Variants in RIF1 observed in about 807,000 individuals in gnomAD.
The protein encoded by RIF1 is telomere-associated protein RIF1.
RIF1 carries 45 observed loss-of-function variants against 247.1 expected under a neutral mutation model. The ratio of observed to expected loss-of-function variants is 0.18; its 90% CI spans 0.14 to 0.23. The LOEUF (loss-of-function observed/expected upper bound fraction) is 0.23, where lower values mean the gene tolerates loss of function less well. Among genes scored for constraint, RIF1 ranks in the 10% least tolerant of loss-of-function variants. RIF1 has a pLI of 1.00. For synonymous variants in RIF1, 1,087 were observed against 978.8 expected, an observed-to-expected ratio of 1.11 and a Z score of -2.06; for missense variants, 2,967 against 2,862.5, an observed-to-expected ratio of 1.04 and a Z score of -0.83.
chr2:151,484,913 C>T (rs2049449054), downstream of RIF1, among the ~76,000 whole-genome samples: 1 of 152,188 alleles, frequency 6.6e-6, no homozygotes, highest in South Asian at 2.1e-4. Context: ...GCTCTCTTCA[C>T]AAGAGCATTT....
chr2:151,411,377 A>T (rs1447133435), intron 3 of RIF1, 39 bp downstream of exon 3: 4 of 1,290,972 alleles, frequency 3.1e-6, no homozygotes, highest in Non-Finnish European at 4.4e-6. Context: ...CACTTTTGGT[A>T]GTTTGGTTTT....
Position 151,451,677 on chromosome 2 carries a change from TA to T in RIF1, c.2318del (p.Asn773IlefsTer25). ...MVDCIDFSPY[N>X]IKYQPKVKSP... ...TTGATTGCATTGACTTCTCACCATA[TA>T]ATATTAAATATCAGCCCAAAGTTAA... On this transcript the variant is annotated frameshift_variant, in exon 21 of 36. Coordinates refer to ENST00000444746, the MANE Select transcript of RIF1 (RefSeq NM_018151.5). LOFTEE classifies it high-confidence loss of function. The T allele has an allele frequency of 6.9e-7, 1 of 1,443,376 alleles. No homozygotes were observed. Among genetic ancestry groups the T allele is most frequent in the Non-Finnish European group, 9.7e-7 (1 of 1,026,328 alleles). 89.4% of individuals were successfully genotyped at this position (1,443,376 alleles called of 1,614,324 possible).
intron 6 of RIF1, among the ~76,000 whole-genome samples, chr2:151,419,588 T>C (rs1371479764): frequency 6.6e-6 from 1 of 152,150 alleles, no homozygotes; most frequent in Non-Finnish European, 1.5e-5. Flanking sequence ...CCTCCCAAAG[T>C]GCTGAGATTA....
At position 151,416,563 on chromosome 2, in the gene RIF1, G is replaced by C. The variant is rs2152116173; in HGVS notation, c.283G>C (p.Ala95Pro). 6.3e-7 allele frequency: 1 copy of C among 1,589,446 alleles called. No individual in the cohort carries two copies. Among genetic ancestry groups the C allele is most frequent in the South Asian group, 1.2e-5 (1 of 86,562 alleles). Residue 95 changes from alanine to proline, a missense_variant and splice_region_variant, in exon 5 of 36, where the codon GCA becomes CCA. Physicochemically the swap from Ala to Pro is conservative, Grantham distance 27 (BLOSUM62 -1). This residue lies in a region of RIF1 where 269 missense variants were observed against 288.6 expected (regional missense o/e 0.93). Coordinates refer to ENST00000444746, the MANE Select transcript of RIF1 (RefSeq NM_018151.5). ...AATTAAAACTGCTTGTTTTTCAGAG[G>C]CAAATGCTCTAGAATTGCTTTCAAA... is the stretch of plus-strand genomic sequence containing the variant. ...NPKITSELSEANALELLSKLN... is the reference protein window; with the variant it reads ...NPKITSELSEPNALELLSKLN...
intron 10 of RIF1, chr2:151,498,199 TGTAAA>T: frequency 6.5e-7 from 1 of 1,548,800 alleles, no homozygotes; most frequent in Non-Finnish European, 8.7e-7. Flanking sequence ...AATAAATAAA[TGTAAA>T]GATCAGTTTA....
At chr2:151,499,657 A>G (rs1020459799) in intron 11 of RIF1, 3 of 304,814 alleles carry the variant, frequency 9.8e-6, no homozygotes, top group Non-Finnish European at 1.8e-5. Context: ...AAAAAAATAC[A>G]AATAATTTCC....
chr2:151,510,415 C>T (rs910935323), downstream of RIF1, among the ~76,000 whole-genome samples: 1 of 152,234 alleles, frequency 6.6e-6, no homozygotes, highest in South Asian at 2.1e-4. Flanking sequence ...TCTAACTTAA[C>T]CATTCATTTA....
Position 151,465,372 on chromosome 2 carries a change from A to T in RIF1, c.5852A>T (p.Asp1951Val). Reference protein sequence around the residue: ...AAIEENKRNDDSEADTAKLNA... With the variant: ...AAIEENKRNDVSEADTAKLNA... ...ATAGAAGAAAATAAAAGAAATGATGACTCTGAAGCAGACACAGCTAAACTG... is the reference window on the plus strand; with the variant it reads ...ATAGAAGAAAATAAAAGAAATGATGTCTCTGAAGCAGACACAGCTAAACTG... The change falls in exon 30 of 36, where the codon GAC (aspartate) becomes GTC (valine). Residue 1951 changes from aspartate to valine, a missense_variant. Around this residue, in one of 7 missense-constraint regions of RIF1, gnomAD observed 2,028 missense variants for 1,825.6 expected, o/e 1.11. Coordinates refer to ENST00000444746, the MANE Select transcript of RIF1 (RefSeq NM_018151.5). The T allele has an allele frequency of 6.2e-7, 1 of 1,613,230 alleles. No individual in the cohort carries two copies. The highest frequency in any genetic ancestry group is 8.5e-7 in the Non-Finnish European group (1 of 1,179,830).
intron 6 of RIF1, among the ~76,000 whole-genome samples, chr2:151,418,463 C>A (rs2152127889): frequency 6.6e-6 from 1 of 151,890 alleles, no homozygotes; most frequent in South Asian, 2.1e-4. Context: ...CCTCAGCCTC[C>A]CAATGTACCA....
intron 9 of RIF1, among the ~76,000 whole-genome samples, chr2:151,488,152 A>G (rs1251923914): frequency 6.6e-6 from 1 of 152,102 alleles, no homozygotes; most frequent in Non-Finnish European, 1.5e-5. Flanking sequence ...CGAGGGGAAT[A>G]ATTTATCAGT....
Position 151,455,036 on chromosome 2 carries a change from C to G in RIF1, c.2486C>G (p.Thr829Ser), listed in dbSNP as rs765977590. ...FKEAHSDTLF[T>S]IGNSITGIIS... ...GAAGCACATTCTGATACCCTCTTCA[C>G]TATTGGCAACTCAATCACCGGCATT... The change falls in exon 22 of 36, where the codon ACT becomes AGT. Residue 829 changes from threonine to serine, a missense_variant. Thr to Ser is a moderately conservative substitution (Grantham distance 58). Around this residue, in one of 7 missense-constraint regions of RIF1, gnomAD observed 2,028 missense variants for 1,825.6 expected, o/e 1.11. Transcript: ENST00000444746. 6 of 1,613,896 alleles carry G rather than the reference C, an allele frequency of 3.7e-6. No homozygotes were observed. The African/African-American group carries it at 5.3e-5, about 14-fold the overall frequency.
chr2:151,472,515 A>G (rs367749718), intron 34 of RIF1, among the ~76,000 whole-genome samples: 5 of 152,094 alleles, frequency 3.3e-5, no homozygotes, highest in Non-Finnish European at 7.4e-5. Context: ...GTTTGTCATA[A>G]ATAGCTCTTA....
chr2:151,460,165 T>A (rs921108685), intron 26 of RIF1, 46 bp downstream of exon 26: 10 of 1,373,270 alleles, frequency 7.3e-6, no homozygotes, highest in Non-Finnish European at 9.9e-6. Context: ...TAAAGTATAT[T>A]GTAACTTACA....
intron 9 of RIF1, 103 bp from the exon 10 acceptor site, chr2:151,432,974 A>G: frequency 1.1e-6 from 1 of 888,180 alleles, no homozygotes; most frequent in Non-Finnish European, 1.6e-6. Flanking sequence ...AAAAAATTTT[A>G]AAATACGTTC....
At chr2:151,515,173 G>A in the RIF1 span, among the ~76,000 whole-genome samples, 1 of 152,132 alleles carries the variant, frequency 6.6e-6, no homozygotes, top group Non-Finnish European at 1.5e-5. Flanking sequence ...CTAATGTTGT[G>A]ACTGGGGCAG....
chr2:151,512,886 CA>C, downstream of RIF1: 1 of 1,283,584 alleles, frequency 7.8e-7, no homozygotes, highest in Non-Finnish European at 1.1e-6. Flanking sequence ...ATGTGCACAA[CA>C]GTTGTTGGCT....
intron 21 of RIF1, among the ~76,000 whole-genome samples, chr2:151,453,302 T>G (rs1434996717): frequency 1.3e-5 from 2 of 152,046 alleles, no homozygotes; most frequent in Non-Finnish European, 2.9e-5. Flanking sequence ...TTAGGCTGGG[T>G]GCAGTGGCTC....
chr2:151,506,476 G>A (rs1040421710), intron 13 of RIF1: 50 of 512,706 alleles, frequency 9.8e-5, no homozygotes, highest in African/African-American at 9.4e-4. Flanking sequence ...TTTCTTCTAA[G>A]ATTGTGGTAT....
intron 13 of RIF1, 110 bp downstream of exon 13, chr2:151,437,461 T>C: frequency 1.3e-6 from 1 of 776,192 alleles, no homozygotes; most frequent in Non-Finnish European, 2.2e-6. Flanking sequence ...GAGGCCGAGG[T>C]GAGTGGATCA....
Sources: allele counts gnomAD v4.1 joint callset (sites outside exome capture counted in the v4.1 genomes callset), GRCh38; gene constraint gnomAD v4.1.1; regional missense constraint gnomAD v4.1.1; transcripts MANE v1.5; gene names NCBI Gene and HGNC (gene_info 2026-07-23, HGNC 2026-07-21).